The following MYH7B variants were observed in gnomAD, a reference collection of about 807,000 sequenced individuals.
MYH7B encodes the protein myosin-7B.
Under a neutral mutation model 234.5 loss-of-function variants are expected in MYH7B, and 205 were observed. The observed-to-expected ratio is 0.87, with a 90% confidence interval of 0.78 to 0.98. The LOEUF is 0.98. MYH7B is among the 50% of genes least tolerant of loss of function. MYH7B has a pLI of 0.00. For synonymous variants in MYH7B, 1,193 were observed against 1,105.0 expected, an observed-to-expected ratio of 1.08 and a Z score of -1.58; for missense variants, 2,652 against 2,633.4, an observed-to-expected ratio of 1.01 and a Z score of -0.15.
At chr20:34,990,406 T>A in intron 22 of MYH7B, 96 bp downstream of exon 22, 1 of 1,304,896 alleles carries the variant, frequency 7.7e-7, no homozygotes, top group Non-Finnish European at 1.1e-6. Flanking sequence ...GGCGGGCGGC[T>A]GTTAAGACTT....
At chr20:34,991,121 G>T in exon 24 of MYH7B, 1 of 1,601,324 alleles carries the variant, frequency 6.2e-7, no homozygotes, top group Non-Finnish European at 8.5e-7. Flanking sequence ...TTCCGGCAGC[G>T]GTGGGTGACC....
At position 34,998,855 on chromosome 20, in the gene MYH7B, A is replaced by G. The variant is rs1417392163; in HGVS notation, c.4130A>G (p.Gln1377Arg). The change falls in exon 35 of 45, where the codon CAG (glutamine) becomes CGG (arginine). Residue 1377 changes from glutamine (Q) to arginine (R), a missense_variant. Physicochemically the swap from Gln to Arg is conservative, Grantham distance 43. Transcript: ENST00000262873. Reference sequence around the variant, plus strand: ...TCCAAGGCCAATGCCGAGGTGGCCCAGTGGAGGAGCAAGTACGAAGCAGAT... The same window carrying G: ...TCCAAGGCCAATGCCGAGGTGGCCCGGTGGAGGAGCAAGTACGAAGCAGAT... 5.0e-6 allele frequency: 8 copies of G among 1,613,156 alleles called. No homozygotes were observed. Among genetic ancestry groups the G allele is most frequent in the Non-Finnish European group, 6.8e-6 (8 of 1,180,038 alleles).
At chr20:34,974,058 G>A (rs1334743130) in intron 2 of MYH7B, among the ~76,000 whole-genome samples, 1 of 151,856 alleles carries the variant, frequency 6.6e-6, no homozygotes, top group Non-Finnish European at 1.5e-5. Context: ...CCGAGTAGCT[G>A]GGATTACAGG....
At chr20:34,972,884 C>T (rs1041537694) in intron 2 of MYH7B, among the ~76,000 whole-genome samples, 5 of 152,150 alleles carry the variant, frequency 3.3e-5, no homozygotes, top group Admixed American at 6.5e-5. Context: ...CCTCCTGCCT[C>T]AAGCCTTCCA....
chr20:34,973,226 C>T (rs2081809099), intron 2 of MYH7B, among the ~76,000 whole-genome samples: 1 of 152,196 alleles, frequency 6.6e-6, no homozygotes, highest in African/African-American at 2.4e-5. Context: ...CCCACCTTGG[C>T]CTCCAAAAGT....
chr20:34,993,755 C>A (rs945012658), intron 26 of MYH7B, among the ~76,000 whole-genome samples: 1 of 152,236 alleles, frequency 6.6e-6, no homozygotes, highest in Non-Finnish European at 1.5e-5. Flanking sequence ...AGGCAAGATA[C>A]TTTCTCTGCA....
chr20:34,959,397 G>A (rs1344016962), intron 2 of MYH7B, among the ~76,000 whole-genome samples: 1 of 152,136 alleles, frequency 6.6e-6, no homozygotes, highest in Non-Finnish European at 1.5e-5. Flanking sequence ...TGGTGTCTCA[G>A]ACCTGAGTTT....
At chr20:34,996,791 C>T in intron 30 of MYH7B, 33 bp downstream of exon 30, 2 of 1,594,492 alleles carry the variant, frequency 1.3e-6, no homozygotes, top group Non-Finnish European at 8.5e-7. Context: ...TGGGGGCCTT[C>T]TGAGCCTGCA....
exon 31 of MYH7B, chr20:34,997,171 C>G: frequency 6.5e-7 from 1 of 1,550,046 alleles, no homozygotes; most frequent in Non-Finnish European, 8.7e-7. Context: ...CAAGGAGCTG[C>G]AGGTGCGTGG....
chr20:34,990,299 C>T lies in MYH7B; in HGVS notation c.1966C>T (p.Gln656Ter). ...GGCAGCATCGTTCCAGACGGTGTCC[C>T]AGCTGCACAAGGTAAGGCCCCATCT... The change falls in exon 22 of 45, where the codon CAG becomes TAG. Residue 656 changes from glutamine (Q) to a stop codon, truncating the protein, a stop_gained. Transcript: ENST00000262873. LOFTEE classifies it high-confidence loss of function. The T allele has an allele frequency of 5.6e-6, 9 of 1,614,146 alleles. No individual in the cohort carries two copies. The highest frequency in any genetic ancestry group is 1.1e-5 in the South Asian group (1 of 91,072).
exon 37 of MYH7B, chr20:34,999,601 G>T: frequency 6.2e-7 from 1 of 1,613,186 alleles, no homozygotes; most frequent in Non-Finnish European, 8.5e-7. Context: ...GACCAGGTGA[G>T]TCTCAGTGGG....
intron 19 of MYH7B, among the ~76,000 whole-genome samples, chr20:34,988,934 C>T (rs1234747088): frequency 6.6e-6 from 1 of 151,564 alleles, no homozygotes; most frequent in Non-Finnish European, 1.5e-5. Context: ...CTCAACCTCC[C>T]AAGTAGCTGG....
intron 2 of MYH7B, among the ~76,000 whole-genome samples, chr20:34,974,982 G>A (rs979054412): frequency 4.1e-4 from 62 of 151,992 alleles, no homozygotes; most frequent in Admixed American, 3.4e-3. Context: ...GAGACAATGC[G>A]GAGAGAAAGA....
chr20:35,000,385 TGGAG>T lies in MYH7B; in HGVS notation c.4877_4880del (p.Glu1626ValfsTer26). The stretch of plus-strand genomic sequence containing the variant: ...GAGGCGCTGCGGCTCAAGAAGAAGA[TGGAG>T]GGTGACCTCAACGACCTGGAGCTGC... On this transcript the variant is annotated frameshift_variant, in exon 39 of 45. Coordinates refer to ENST00000262873, the Ensembl canonical transcript of MYH7B. LOFTEE classifies it high-confidence loss of function. The T allele has an allele frequency of 6.3e-7, 1 of 1,599,668 alleles. No individual in the cohort carries two copies. Among genetic ancestry groups the T allele is most frequent in the Non-Finnish European group, 8.5e-7 (1 of 1,179,908 alleles).
In MYH7B at chr20:34,991,136, C is replaced by T. The variant is rs1682229533; in HGVS notation, c.2183+15C>T. 6.4e-7 allele frequency: 1 copy of T among 1,565,902 alleles called. No individual in the cohort carries two copies. Among genetic ancestry groups the T allele is most frequent in the East Asian group, 2.2e-5 (1 of 44,664 alleles). On this transcript the variant is annotated intron_variant, in intron 24 of 44. Coordinates refer to ENST00000262873, the Ensembl canonical transcript of MYH7B. ...TTCCGGCAGCGGTGGGTGACCCCTT[C>T]CCCCTGCCTGCTGCTCCAGGTGGAG... is the stretch of plus-strand genomic sequence containing the variant.
chr20:34,999,089 G>A (rs1361785709), exon 36 of MYH7B: 3 of 1,612,726 alleles, frequency 1.9e-6, no homozygotes, highest in South Asian at 1.1e-5. Flanking sequence ...AGGAGGCAGA[G>A]GAGGGCGTGG....
At chr20:34,995,670 C>T (rs2082243502) in intron 28 of MYH7B, 92 bp downstream of exon 28, 1 of 1,541,238 alleles carries the variant, frequency 6.5e-7, no homozygotes, top group Admixed American at 1.9e-5. Flanking sequence ...CTCTGCTAAG[C>T]CTCTGCTTTC....
exon 45 of MYH7B, chr20:35,002,400 G>GCAGT (rs1313164711): frequency 1.2e-5 from 5 of 434,374 alleles, no homozygotes; most frequent in Admixed American, 4.1e-5. Flanking sequence ...CAGGTCCACA[G>GCAGT]CAGTCATTTT....
intron 2 of MYH7B, among the ~76,000 whole-genome samples, chr20:34,960,752 G>A (rs1174193482): frequency 6.6e-6 from 1 of 152,220 alleles, no homozygotes; most frequent in African/African-American, 2.4e-5. Context: ...GCACAGGCCT[G>A]GGCCAGCATT....
Sources: allele counts gnomAD v4.1 joint callset (sites outside exome capture counted in the v4.1 genomes callset), GRCh38; gene constraint gnomAD v4.1.1; transcripts MANE v1.5; gene names NCBI Gene and HGNC (gene_info 2026-07-23, HGNC 2026-07-21).